SPTLC3: variants seen among roughly 807,000 people sequenced by gnomAD.
The protein encoded by SPTLC3 is serine palmitoyltransferase 3.
Under a neutral mutation model 59.3 loss-of-function variants are expected in SPTLC3, and 36 were observed. That is an observed-to-expected ratio of 0.61 (90% CI 0.47 to 0.80). The LOEUF (loss-of-function observed/expected upper bound fraction) is 0.80, where lower values mean the gene tolerates loss of function less well. Among genes scored for constraint, SPTLC3 ranks in the 30% least tolerant of loss-of-function variants. The pLI is 0.00. For missense variants in SPTLC3, 625 were observed against 685.1 expected, an observed-to-expected ratio of 0.91 and a Z score of 0.98; for synonymous variants, 257 against 240.8, an observed-to-expected ratio of 1.07 and a Z score of -0.62.
At chr20:13,148,794 G>T (rs946757710) in intron 9 of SPTLC3, among the ~76,000 whole-genome samples, 1 of 152,210 alleles carries the variant, frequency 6.6e-6, no homozygotes, top group Non-Finnish European at 1.5e-5. Flanking sequence ...GGTGCAGCCT[G>T]GACATAAGGT....
intron 9 of SPTLC3, among the ~76,000 whole-genome samples, chr20:13,134,773 GA>G (rs1341262965): frequency 1.3e-5 from 2 of 151,824 alleles, no homozygotes; most frequent in African/African-American, 4.9e-5. Context: ...CAAAAAAAAA[GA>G]AAAAAGGAGG....
At chr20:13,069,052 A>G (rs1379966362) in intron 2 of SPTLC3, among the ~76,000 whole-genome samples, 1 of 151,666 alleles carries the variant, frequency 6.6e-6, no homozygotes, top group Non-Finnish European at 1.5e-5. Flanking sequence ...ATGCATCTTC[A>G]TGTGGCATGG....
At chr20:13,040,682 C>CCT (rs1986942459) in intron 1 of SPTLC3, among the ~76,000 whole-genome samples, 1 of 145,474 alleles carries the variant, frequency 6.9e-6, no homozygotes, top group African/African-American at 2.5e-5. Flanking sequence ...CCTGTGCCCC[C>CCT]TTTTTTTTTT....
rs202095885 is a variant in SPTLC3, at chr20:13,164,859, G to A, written c.1651G>A (p.Glu551Lys). 392 of 1,612,404 alleles carry A rather than the reference G, an allele frequency of 2.4e-4. No homozygotes were observed. The highest frequency in any genetic ancestry group is 3.0e-4 in the Non-Finnish European group (353 of 1,179,226). Residue 551 changes from glutamate (E) to lysine (K), a missense_variant, in exon 12 of 12, where the codon GAA becomes AAA. By Grantham distance (56) the Glu-to-Lys change is moderately conservative. Transcript: ENST00000399002. ...ELYDETSFEL[E>K]D ...CTATGATGAGACGAGCTTTGAACTC[G>A]AAGATTAAGTTTCCTGGTCCTGAAT...
At chr20:13,110,810 T>C (rs969593164) in intron 7 of SPTLC3, among the ~76,000 whole-genome samples, 2 of 152,122 alleles carry the variant, frequency 1.3e-5, no homozygotes, top group African/African-American at 4.8e-5. Context: ...CAATCCTGAA[T>C]CAATTCTCAA....
intron 1 of SPTLC3, among the ~76,000 whole-genome samples, chr20:13,033,797 T>G (rs1281538609): frequency 6.6e-6 from 1 of 152,172 alleles, no homozygotes; most frequent in African/African-American, 2.4e-5. Flanking sequence ...AATATTATTG[T>G]TATACAAGGT....
At chr20:13,029,750 G>A (rs772690859) in intron 1 of SPTLC3, among the ~76,000 whole-genome samples, 1 of 152,146 alleles carries the variant, frequency 6.6e-6, no homozygotes, top group Non-Finnish European at 1.5e-5. Context: ...TTTCAACTAA[G>A]TGTAATCTGT....
chr20:13,164,644 T>A, intron 11 of SPTLC3, 110 bp from the exon 12 acceptor site: 1 of 778,148 alleles, frequency 1.3e-6, no homozygotes, highest in East Asian at 2.7e-5. Flanking sequence ...TCAAAGAAGC[T>A]AGCAAACTAA....
At chr20:13,088,784 ATTTTT>A (rs375680092) in intron 4 of SPTLC3, among the ~76,000 whole-genome samples, 1 of 111,888 alleles carries the variant, frequency 8.9e-6, no homozygotes, top group African/African-American at 3.6e-5. Flanking sequence ...GCACCCGGCT[ATTTTT>A]TTTTTTTTTT....
At position 13,167,914 on chromosome 20, in the gene SPTLC3, T is replaced by C. The variant is rs1027961783; in HGVS notation, c.*3047T>C. On this transcript the variant is annotated 3_prime_UTR_variant, in exon 12 of 12. Coordinates refer to ENST00000399002, the MANE Select transcript of SPTLC3 (RefSeq NM_018327.4). ...AATTTGATAAACCAATTGACTCTAA[T>C]AGCAGGAACCTTGTTCTGATTCTCT... 6.6e-6 allele frequency: 1 copy of C among 152,208 alleles called. No individual in the cohort carries two copies. The highest frequency in any genetic ancestry group is 6.5e-5 in the Admixed American group (1 of 15,284). The allele number at this position is 152,208 out of a possible 1,614,324, so 9.4% of individuals were successfully genotyped here. A position where few individuals can be genotyped will look rare whatever the true frequency, so the allele number is the denominator to read the frequency against.
chr20:13,067,323 C>A (rs1002953174), intron 2 of SPTLC3, among the ~76,000 whole-genome samples: 1 of 152,156 alleles, frequency 6.6e-6, no homozygotes, highest in African/African-American at 2.4e-5. Context: ...GGGATCTACC[C>A]TCACCTTGAA....
chr20:13,159,196 G>A (rs974975708), intron 10 of SPTLC3, among the ~76,000 whole-genome samples: 1 of 152,196 alleles, frequency 6.6e-6, no homozygotes, highest in African/African-American at 2.4e-5. Flanking sequence ...ATAAAGGGAA[G>A]GAATCATAGC....
intron 1 of SPTLC3, among the ~76,000 whole-genome samples, chr20:13,035,358 A>G (rs767188220): frequency 3.3e-5 from 5 of 152,148 alleles, no homozygotes; most frequent in Non-Finnish European, 7.4e-5. Flanking sequence ...AGCGGCCTGA[A>G]CAACTTGAGT....
At chr20:13,076,879 C>G (rs556200328) in intron 4 of SPTLC3, among the ~76,000 whole-genome samples, 1 of 152,160 alleles carries the variant, frequency 6.6e-6, no homozygotes, top group African/African-American at 2.4e-5. Flanking sequence ...AGGCAGGTTC[C>G]CGGAGGAAGA....
chr20:13,042,000 G>A (rs917952070), intron 1 of SPTLC3, among the ~76,000 whole-genome samples: 3 of 152,084 alleles, frequency 2.0e-5, no homozygotes, highest in Admixed American at 1.3e-4. Flanking sequence ...ACTTGCTGCC[G>A]GATTGCTCTA....
At chr20:13,142,463 C>G (rs747427556) in intron 9 of SPTLC3, among the ~76,000 whole-genome samples, 5 of 152,210 alleles carry the variant, frequency 3.3e-5, no homozygotes, top group Non-Finnish European at 7.3e-5. Context: ...GTATTCCACA[C>G]TGGCCTTTGT....
chr20:13,152,344 C>T (rs1002143826), intron 9 of SPTLC3, among the ~76,000 whole-genome samples: 11 of 152,174 alleles, frequency 7.2e-5, no homozygotes, highest in African/African-American at 2.4e-4. Context: ...CCTTTAGAGG[C>T]TACCTGATCC....
chr20:13,079,710 T>G, intron 4 of SPTLC3: 1 of 466,436 alleles, frequency 2.1e-6, no homozygotes, highest in South Asian at 1.6e-5. Context: ...CAAACCCTGC[T>G]CAGTTCTACA....
chr20:13,101,169 C>T (rs544201352), intron 6 of SPTLC3, among the ~76,000 whole-genome samples: 2 of 152,290 alleles, frequency 1.3e-5, no homozygotes, highest in East Asian at 1.9e-4. Context: ...CACAAATTCC[C>T]ATTTGTGACT....
Sources: gnomAD v4.1 joint callset for allele counts (sites outside exome capture counted in the v4.1 genomes callset) on GRCh38, gnomAD v4.1.1 for gene constraint, MANE v1.5 for transcripts, NCBI Gene and HGNC (gene_info 2026-07-23, HGNC 2026-07-21) for gene names.